The following MAP3K3 variants were observed in gnomAD, a reference collection of about 807,000 sequenced individuals.
MAP3K3 encodes the protein MAP/ERK kinase kinase 3.
MAP3K3 carries 12 observed loss-of-function variants against 80.9 expected under a neutral mutation model. The ratio of observed to expected loss-of-function variants is 0.15; its 90% CI spans 0.10 to 0.24. The LOEUF (loss-of-function observed/expected upper bound fraction) is 0.24, where lower values mean the gene tolerates loss of function less well. Among genes scored for constraint, MAP3K3 ranks in the 10% least tolerant of loss-of-function variants. The pLI, the probability that MAP3K3 is intolerant of heterozygous loss-of-function variation, is 1.00. For synonymous variants in MAP3K3, 272 were observed against 307.1 expected (o/e 0.89, Z 1.19); for missense variants, 596 against 834.7 (o/e 0.71, Z 3.52).
In MAP3K3 at chr17:63,691,375, G is replaced by A. The variant is rs1442395718; in HGVS notation, c.1344+142G>A. The A allele has an allele frequency of 1.7e-6, 2 of 1,198,826 alleles. No homozygotes were observed. The highest frequency in any genetic ancestry group is 1.5e-5 in the African/African-American group (1 of 66,020). 74.3% of individuals were successfully genotyped at this position (1,198,826 alleles called of 1,614,324 possible). ...GCCCAGAGGAGCAAAGTGAGGTGAT[G>A]GTGGGACTTGGAGTCAGGAGGGCCC... On this transcript the variant is annotated intron_variant, in intron 13 of 15. Coordinates refer to ENST00000361733, the MANE Select transcript of MAP3K3 (RefSeq NM_002401.5). The surrounding 1 kb of genome is among the most constrained non-coding windows in gnomAD (Gnocchi z 4.8).
rs574333555 is a variant in MAP3K3 at position 63,626,949 on chromosome 17, C to T, written c.4+4186C>T. ...TGTGGCATAGTAAACAGACACCATACGGGATAACAATGTTTATTAGAGAAT... is the reference window on the plus strand; with the variant it reads ...TGTGGCATAGTAAACAGACACCATATGGGATAACAATGTTTATTAGAGAAT... On this transcript the variant is annotated intron_variant, in intron 1 of 15. Transcript: ENST00000361733. 3.3e-5 allele frequency among the ~76,000 whole-genome samples: 5 copies of T among 152,256 alleles called. No individual in the cohort carries two copies. In the East Asian group the frequency reaches 5.8e-4, roughly 18 times the overall value.
At chr17:63,631,370 T>C (rs1394872403) in intron 1 of MAP3K3, among the ~76,000 whole-genome samples, 2 of 152,202 alleles carry the variant, frequency 1.3e-5, no homozygotes, top group African/African-American at 2.4e-5. Flanking sequence ...TGTTCGTTTC[T>C]TTCCACAGGG....
intron 8 of MAP3K3, among the ~76,000 whole-genome samples, chr17:63,686,877 A>G (rs1423377255): frequency 1.3e-5 from 2 of 152,190 alleles, no homozygotes; most frequent in Non-Finnish European, 2.9e-5. Flanking sequence ...GGGAAAGGGC[A>G]TGAGATCTGG....
chr17:63,690,524 C>CGGCGA, intron 12 of MAP3K3, 112 bp downstream of exon 12: 1 of 1,183,386 alleles, frequency 8.5e-7, no homozygotes, highest in Non-Finnish European at 1.2e-6. Flanking sequence ...TGTCATTCTT[C>CGGCGA]CCAAACTCCC....
intron 6 of MAP3K3, among the ~76,000 whole-genome samples, chr17:63,680,284 G>A (rs2035302972): frequency 6.6e-6 from 1 of 152,210 alleles, no homozygotes; most frequent in Admixed American, 6.5e-5. Context: ...GAGGTAAGGG[G>A]TGGTAGATAA....
intron 7 of MAP3K3, among the ~76,000 whole-genome samples, chr17:63,683,206 A>G (rs1477152962): frequency 3.3e-5 from 5 of 152,134 alleles, no homozygotes; most frequent in Admixed American, 3.3e-4. Flanking sequence ...CTTTTCTTTC[A>G]TTATTCAAAC....
chr17:63,676,910 A>G (rs1211961463), intron 6 of MAP3K3, among the ~76,000 whole-genome samples: 2 of 152,226 alleles, frequency 1.3e-5, no homozygotes, highest in African/African-American at 4.8e-5. Context: ...ATAGAAGTGC[A>G]TGTGATTAGC....
Position 63,690,534 on chromosome 17 carries a change from C to T in MAP3K3, c.1212+122C>T, listed in dbSNP as rs547164009. 1.5e-5 allele frequency: 16 copies of T among 1,093,408 alleles called. 1 individual carries two copies. The South Asian group carries it at 2.4e-4, about 16-fold the overall frequency. The allele number at this position is 1,093,408 out of a possible 1,614,324, so 67.7% of individuals were successfully genotyped here. A position where few individuals can be genotyped will look rare whatever the true frequency, so the allele number is the denominator to read the frequency against. ...TCCTCTGTCATTCTTCCCAAACTCC[C>T]TTTCTGTCCATCCTGGTCCCAGCCA... On this transcript the variant is annotated intron_variant, in intron 12 of 15. Coordinates refer to ENST00000361733, the MANE Select transcript of MAP3K3 (RefSeq NM_002401.5).
At chr17:63,681,566 C>T (rs1205085781) in intron 6 of MAP3K3, among the ~76,000 whole-genome samples, 200 bp from the exon 7 acceptor site, 1 of 152,150 alleles carries the variant, frequency 6.6e-6, no homozygotes, top group East Asian at 1.9e-4. Flanking sequence ...GCCGTAGTGC[C>T]TGCTCCATCT....
chr17:63,632,950 A>G, intron 2 of MAP3K3, 148 bp downstream of exon 2: 1 of 1,054,448 alleles, frequency 9.5e-7, no homozygotes, highest in Non-Finnish European at 1.4e-6. Flanking sequence ...GAAGTAATAC[A>G]TACCAACCAG....
In MAP3K3 at chr17:63,693,464, A is replaced by G; in HGVS notation, c.1653-85A>G. The stretch of plus-strand genomic sequence containing the variant: ...GTCCTGCACCTCAGCTTGCTGTGAG[A>G]AAGGCGCCTCTTTCTGCAGTGGTGG... On this transcript the variant is annotated intron_variant, in intron 15 of 15. Coordinates refer to ENST00000361733, the MANE Select transcript of MAP3K3 (RefSeq NM_002401.5). The surrounding 1 kb of genome is among the most constrained non-coding windows in gnomAD (Gnocchi z 4.2). 1 of 1,236,444 alleles carries G rather than the reference A, an allele frequency of 8.1e-7. No individual in the cohort carries two copies. The highest frequency in any genetic ancestry group is 1.1e-6 in the Non-Finnish European group (1 of 873,784). The allele number at this position is 1,236,444 out of a possible 1,614,324, so 76.6% of individuals were successfully genotyped here.
chr17:63,691,287 G>T lies in MAP3K3; in HGVS notation c.1344+54G>T. ...ACACACAAAAGAGGGCCTGACCTGG[G>T]GGCTGGGGCCTGCAGGAGGGGGGTC... On this transcript the variant is annotated intron_variant, in intron 13 of 15. Transcript: ENST00000361733. The surrounding 1 kb of genome is among the most constrained non-coding windows in gnomAD (Gnocchi z 4.8). 6.2e-7 allele frequency: 1 copy of T among 1,610,764 alleles called. No homozygotes were observed. Among genetic ancestry groups the T allele is most frequent in the African/African-American group, 1.3e-5 (1 of 75,028 alleles).
At chr17:63,662,906 T>C (rs1300341698) in intron 5 of MAP3K3, among the ~76,000 whole-genome samples, 1 of 151,856 alleles carries the variant, frequency 6.6e-6, no homozygotes, top group Non-Finnish European at 1.5e-5. Context: ...ACTCTTAAAC[T>C]TCAAATGATC....
Position 63,693,944 on chromosome 17 carries a change from T to TG in MAP3K3, c.*171dup, listed in dbSNP as rs763626238. On this transcript the variant is annotated 3_prime_UTR_variant, in exon 16 of 16. Coordinates refer to ENST00000361733, the MANE Select transcript of MAP3K3 (RefSeq NM_002401.5). This position sits in a 1 kb window ranked among gnomAD's most constrained non-coding sequence, Gnocchi z 4.2. ...CCGCCACTGGGGCTCAGAGCCGGGGTGGGGTGGCTGCAGCCTCAGGACTGG... is the reference window on the plus strand; with the variant it reads ...CCGCCACTGGGGCTCAGAGCCGGGGTGGGGGTGGCTGCAGCCTCAGGACTGG... The TG allele has an allele frequency of 6.9e-6, 4 of 579,000 alleles. No individual in the cohort carries two copies. The highest frequency in any genetic ancestry group is 1.2e-5 in the Non-Finnish European group (4 of 340,744). The allele number at this position is 579,000 out of a possible 1,614,324, so 35.9% of individuals were successfully genotyped here.
chr17:63,632,234 G>A (rs759390854), intron 1 of MAP3K3, among the ~76,000 whole-genome samples: 3 of 152,164 alleles, frequency 2.0e-5, no homozygotes, highest in Non-Finnish European at 2.9e-5. Flanking sequence ...ACACCTGTAT[G>A]TAATCTTAGC....
At chr17:63,634,952 A>G in intron 2 of MAP3K3, 1 of 687,520 alleles carries the variant, frequency 1.5e-6, no homozygotes, top group East Asian at 2.7e-5. Flanking sequence ...GCTTCTAGTC[A>G]CCATTTCTCA....
Position 63,693,744 on chromosome 17 carries a change from G to C in MAP3K3, c.1848G>C (p.Leu616=), listed in dbSNP as rs2035639275. ...EARQRPSAEE[L]LTHHFAQLMY ...GCCAGAGACCTTCAGCTGAGGAGCT[G>C]CTCACACACCACTTTGCACAGCTCA... The change falls in exon 16 of 16, where the codon CTG becomes CTC. Residue 616 remains leucine, a synonymous_variant. Coordinates refer to ENST00000361733, the MANE Select transcript of MAP3K3 (RefSeq NM_002401.5). This position sits in a 1 kb window ranked among gnomAD's most constrained non-coding sequence, Gnocchi z 4.2. 2 of 1,601,746 alleles carry C rather than the reference G, an allele frequency of 1.2e-6. No individual in the cohort carries two copies. Among genetic ancestry groups the C allele is most frequent in the Non-Finnish European group, 1.7e-6 (2 of 1,172,574 alleles).
chr17:63,671,106 G>T (rs1276806981), intron 6 of MAP3K3, among the ~76,000 whole-genome samples: 1 of 152,126 alleles, frequency 6.6e-6, no homozygotes, highest in African/African-American at 2.4e-5. Flanking sequence ...GCTTGGAGTA[G>T]GCTGATGAAG....
In MAP3K3 at chr17:63,688,365, T is replaced by C; in HGVS notation, c.711-162T>C. 6.2e-6 allele frequency: 4 copies of C among 648,748 alleles called. No homozygotes were observed. The South Asian group carries it at 7.1e-5, about 11-fold the overall frequency. The allele number at this position is 648,748 out of a possible 1,614,324, so 40.2% of individuals were successfully genotyped here. ...GGGTCACAGACTAGTGAAGGGAGGG[T>C]GGAGAAAGCAGGAGCTGGGCTCAGA... On this transcript the variant is annotated intron_variant, in intron 8 of 15. Transcript: ENST00000361733.
Sources: allele counts gnomAD v4.1 joint callset (sites outside exome capture counted in the v4.1 genomes callset), GRCh38; gene constraint gnomAD v4.1.1; non-coding constraint Gnocchi (gnomAD v3.1); transcripts MANE v1.5; gene names NCBI Gene and HGNC (gene_info 2026-07-23, HGNC 2026-07-21).